Variants in FAM149A observed in about 807,000 individuals in gnomAD.
FAM149A encodes protein FAM149A.
In FAM149A, 71 loss-of-function variants were observed where a neutral mutation model predicts 78.2. That is an observed-to-expected ratio of 0.91 (90% CI 0.75 to 1.11). The LOEUF (loss-of-function observed/expected upper bound fraction) is 1.11, where lower values mean the gene tolerates loss of function less well. Among genes scored for constraint, FAM149A ranks in the 50% least tolerant of loss-of-function variants. The pLI, the probability that FAM149A is intolerant of heterozygous loss-of-function variation, is 0.00. For missense variants in FAM149A, 1,036 were observed against 971.0 expected, an observed-to-expected ratio of 1.07 and a Z score of -0.89; for synonymous variants, 446 against 410.5, an observed-to-expected ratio of 1.09 and a Z score of -1.04.
At chr4:186,142,341 A>G (rs948216199) in intron 1 of FAM149A, among the ~76,000 whole-genome samples, 1 of 152,160 alleles carries the variant, frequency 6.6e-6, no homozygotes, top group Non-Finnish European at 1.5e-5. Context: ...GAAATACCCA[A>G]GCAGAAGCCT....
At chr4:186,135,117 C>T (rs966226522) in intron 1 of FAM149A, among the ~76,000 whole-genome samples, 5 of 152,184 alleles carry the variant, frequency 3.3e-5, no homozygotes, top group African/African-American at 9.6e-5. Flanking sequence ...TGGGTTTTTA[C>T]GAGCTCTCTG....
At chr4:186,126,179 G>T in intron 1 of FAM149A, 3 of 826,054 alleles carry the variant, frequency 3.6e-6, no homozygotes, top group Non-Finnish European at 4.4e-6. Context: ...GGGGTACCTC[G>T]AGTAAGCCTC....
At position 186,140,994 on chromosome 4, in the gene FAM149A, T is replaced by C. The variant is rs2099325560; in HGVS notation, c.567-8179T>C. ...TCCAGGAGAGCCAGTGAAGTAGTTC[T>C]GATCCAACTTGCCAGCATCTGGTAT... On this transcript the variant is annotated intron_variant, in intron 1 of 13. Transcript: ENST00000389354. 2.0e-5 allele frequency among the ~76,000 whole-genome samples: 3 copies of C among 152,222 alleles called. No individual in the cohort carries two copies. In the South Asian group the frequency reaches 6.2e-4, roughly 32 times the overall value.
intron 1 of FAM149A, among the ~76,000 whole-genome samples, chr4:186,134,833 C>G (rs115030695): frequency 6.6e-6 from 1 of 152,102 alleles, no homozygotes; most frequent in East Asian, 1.9e-4. Flanking sequence ...CTCTGGAATA[C>G]GAAGGCTTTC....
intron 1 of FAM149A, chr4:186,110,098 C>T (rs1387764838): frequency 1.0e-6 from 1 of 985,306 alleles, no homozygotes; most frequent in Admixed American, 6.1e-5. Flanking sequence ...ACTATAAACT[C>T]TTTGTCCTGT....
At chr4:186,113,864 T>C (rs946801883) in intron 1 of FAM149A, among the ~76,000 whole-genome samples, 3 of 152,040 alleles carry the variant, frequency 2.0e-5, no homozygotes, top group Admixed American at 6.5e-5. Context: ...AAAAAATGTA[T>C]ATTCTGTTGA....
chr4:186,109,086 ATTTG>A (rs1187920021), intron 1 of FAM149A: 2 of 503,300 alleles, frequency 4.0e-6, no homozygotes, highest in Non-Finnish European at 5.1e-6. Context: ...TGACCTTGTA[ATTTG>A]CCCGCCTCGG....
rs765717247 is a variant in FAM149A, at chr4:186,167,160, C to A, written c.2140-24C>A. On this transcript the variant is annotated intron_variant, in intron 12 of 13. Transcript: ENST00000389354. ...CATTTGAAAAAAATGAAACTTGTCC[C>A]TGATTTTATTTTTCTTCCAGCAGTC... is the stretch of plus-strand genomic sequence containing the variant. 15 of 1,606,516 alleles carry A rather than the reference C, an allele frequency of 9.3e-6. No individual in the cohort carries two copies. The East Asian group carries it at 3.4e-4, about 36-fold the overall frequency.
chr4:186,119,984 C>A (rs1414386651), intron 1 of FAM149A, among the ~76,000 whole-genome samples: 2 of 152,284 alleles, frequency 1.3e-5, no homozygotes, highest in South Asian at 4.1e-4. Context: ...ATATATGAAG[C>A]GCAGTTTAAA....
intron 1 of FAM149A, among the ~76,000 whole-genome samples, chr4:186,142,139 A>G (rs1222285095): frequency 6.6e-6 from 1 of 152,190 alleles, no homozygotes; most frequent in Admixed American, 6.5e-5. Flanking sequence ...GGCAGGAAGC[A>G]GAAGTGAGTC....
chr4:186,152,171 C>T (rs1449950205), intron 4 of FAM149A, 126 bp downstream of exon 4: 7 of 816,678 alleles, frequency 8.6e-6, no homozygotes. Context: ...ATGCAGAGCG[C>T]AGTCCTTCAC....
intron 1 of FAM149A, among the ~76,000 whole-genome samples, chr4:186,121,932 C>T (rs1168398792): frequency 1.3e-5 from 2 of 152,224 alleles, no homozygotes; most frequent in Non-Finnish European, 2.9e-5. Context: ...CCTGAATTCT[C>T]TGTTAACTGT....
Position 186,172,062 on chromosome 4 carries a change from G to A in FAM149A, c.*75G>A. ...TATCACTTGAAAAATGGAGGAACAAGTGTTATATTTATCTGTGTGTCTGAC... is the reference window on the plus strand; with the variant it reads ...TATCACTTGAAAAATGGAGGAACAAATGTTATATTTATCTGTGTGTCTGAC... On this transcript the variant is annotated 3_prime_UTR_variant, in exon 14 of 14. Coordinates refer to ENST00000389354, the MANE Select transcript of FAM149A (RefSeq NM_001367768.3). 1 of 1,568,344 alleles carries A rather than the reference G, an allele frequency of 6.4e-7. No homozygotes were observed. Among genetic ancestry groups the A allele is most frequent in the East Asian group, 2.3e-5 (1 of 43,076 alleles).
chr4:186,157,829 G>A (rs1372491564), intron 8 of FAM149A, 110 bp downstream of exon 8: 6 of 1,551,188 alleles, frequency 3.9e-6, no homozygotes, highest in African/African-American at 1.4e-5. Flanking sequence ...TGCTTTCCAC[G>A]CTGCCCGCAG....
chr4:186,105,426 G>T lies in FAM149A; in HGVS notation c.350G>T (p.Gly117Val), dbSNP rs1479351684. 1.7e-6 allele frequency: 2 copies of T among 1,204,138 alleles called. No homozygotes were observed. Among genetic ancestry groups the T allele is most frequent in the Non-Finnish European group, 2.1e-6 (2 of 953,606 alleles). 74.6% of individuals were successfully genotyped at this position (1,204,138 alleles called of 1,614,324 possible). A position where few individuals can be genotyped will look rare whatever the true frequency, so the allele number is the denominator to read the frequency against. ...CAGCCCCCCACTCCCTCCGGCGGGG[G>T]CTGCTCCCCTGCTCGCCTGGTGGTC... The change falls in exon 1 of 14, where the codon GGC (glycine) becomes GTC (valine). Residue 117 changes from glycine to valine, a missense_variant. Gly to Val is a moderately radical substitution (Grantham distance 109). Transcript: ENST00000389354.
chr4:186,116,738 A>T (rs2099313909), intron 1 of FAM149A: 1 of 979,906 alleles, frequency 1.0e-6, no homozygotes, highest in Non-Finnish European at 1.2e-6. Flanking sequence ...GCTGGGATAT[A>T]TTTAAATCTT....
At chr4:186,127,361 G>A in intron 1 of FAM149A, 1 of 985,404 alleles carries the variant, frequency 1.0e-6, no homozygotes, top group South Asian at 4.7e-5. Context: ...CAGTCTACCT[G>A]GATTCCACAG....
intron 1 of FAM149A, among the ~76,000 whole-genome samples, chr4:186,134,614 A>G (rs2099322006): frequency 6.6e-6 from 1 of 152,180 alleles, no homozygotes; most frequent in Non-Finnish European, 1.5e-5. Context: ...GCATTGCCCT[A>G]GAATCTGACA....
chr4:186,126,865 C>G, intron 1 of FAM149A: 6 of 984,694 alleles, frequency 6.1e-6, no homozygotes, highest in Non-Finnish European at 7.2e-6. Context: ...CTGGAGAACC[C>G]CAATACAGGG....
Sources: gnomAD v4.1 joint callset for allele counts (sites outside exome capture counted in the v4.1 genomes callset) on GRCh38, gnomAD v4.1.1 for gene constraint, MANE v1.5 for transcripts, NCBI Gene and HGNC (gene_info 2026-07-23, HGNC 2026-07-21) for gene names.